EPB41L4A: variants seen among roughly 807,000 people sequenced by gnomAD.
EPB41L4A encodes the protein erythrocyte membrane protein band 4.1 like 4A.
In EPB41L4A, 100 loss-of-function variants were observed where a neutral mutation model predicts 108.6. The ratio of observed to expected loss-of-function variants is 0.92; its 90% CI spans 0.78 to 1.09. EPB41L4A has a LOEUF of 1.09. Ranked by LOEUF, EPB41L4A falls within the 50% of genes least tolerant of loss-of-function variation. The pLI is 0.00. For synonymous variants in EPB41L4A, 319 were observed against 289.0 expected, an observed-to-expected ratio of 1.10 and a Z score of -1.05; for missense variants, 1,030 against 842.7, an observed-to-expected ratio of 1.22 and a Z score of -2.75.
intron 1 of EPB41L4A, among the ~76,000 whole-genome samples, chr5:112,342,312 T>G (rs1342368417): frequency 6.6e-6 from 1 of 152,202 alleles, no homozygotes; most frequent in Non-Finnish European, 1.5e-5. Context: ...CCCACTGAAT[T>G]ACAGAAACAT....
intron 6 of EPB41L4A, 75 bp downstream of exon 6, chr5:112,264,821 A>G: frequency 1.4e-6 from 2 of 1,444,894 alleles, no homozygotes; most frequent in Non-Finnish European, 1.9e-6. Context: ...TTATCATTCT[A>G]GAAACTTTTC....
At chr5:112,290,810 G>T (rs1753594733) in intron 2 of EPB41L4A, among the ~76,000 whole-genome samples, 1 of 152,124 alleles carries the variant, frequency 6.6e-6, no homozygotes, top group Non-Finnish European at 1.5e-5. Flanking sequence ...CTGGCACAAA[G>T]GAGCAAGCCA....
intron 1 of EPB41L4A, among the ~76,000 whole-genome samples, chr5:112,401,474 A>G (rs1761745591): frequency 6.6e-6 from 1 of 152,232 alleles, no homozygotes; most frequent in Non-Finnish European, 1.5e-5. Flanking sequence ...TAAAAATGTT[A>G]CCCATGTGAA....
At chr5:112,160,207 G>T (rs904239984), downstream of EPB41L4A, among the ~76,000 whole-genome samples, 1 of 152,114 alleles carries the variant, frequency 6.6e-6, no homozygotes, top group African/African-American at 2.4e-5. Context: ...ACCGCGCCCG[G>T]CGTTCTTTTC....
At chr5:112,225,439 T>G (rs1224227640) in intron 12 of EPB41L4A, among the ~76,000 whole-genome samples, 2 of 152,218 alleles carry the variant, frequency 1.3e-5, no homozygotes, top group Non-Finnish European at 2.9e-5. Flanking sequence ...AAGAACAATG[T>G]CTCAGCTCTG....
chr5:112,183,321 T>C (rs1560054), intron 18 of EPB41L4A: 114,929 of 152,082 alleles, frequency 0.76, 43,865 homozygotes, highest in East Asian at 1. Flanking sequence ...GACATCTAAC[T>C]ACCCACGATC....
intron 16 of EPB41L4A, 70 bp downstream of exon 16, chr5:112,195,591 T>G: frequency 1.5e-6 from 2 of 1,345,388 alleles, no homozygotes; most frequent in Non-Finnish European, 2.1e-6. Context: ...GCTCTTTCCT[T>G]AACTCTGAGC....
intron 3 of EPB41L4A, among the ~76,000 whole-genome samples, chr5:112,276,112 C>CT (rs533679249): frequency 8.7e-4 from 132 of 152,174 alleles, no homozygotes; most frequent in African/African-American, 2.9e-3. Context: ...TAACTCTTAC[C>CT]TTTTTTTACA....
intron 10 of EPB41L4A, among the ~76,000 whole-genome samples, chr5:112,240,458 C>T (rs958229620): frequency 5.3e-5 from 8 of 152,068 alleles, no homozygotes; most frequent in African/African-American, 1.9e-4. Context: ...TTACATAAAC[C>T]TAAAAAATAT....
chr5:112,354,173 G>A (rs944552296), intron 1 of EPB41L4A, among the ~76,000 whole-genome samples: 2 of 152,130 alleles, frequency 1.3e-5, no homozygotes, highest in Non-Finnish European at 2.9e-5. Context: ...GTATACAAAG[G>A]TGCTTTATAA....
chr5:112,325,286 A>C (rs1756073621), intron 1 of EPB41L4A, among the ~76,000 whole-genome samples: 1 of 152,048 alleles, frequency 6.6e-6, no homozygotes, highest in Non-Finnish European at 1.5e-5. Context: ...CTAAAAATAC[A>C]AAAAATTAGC....
intron 17 of EPB41L4A, among the ~76,000 whole-genome samples, chr5:112,193,978 C>T (rs895301035): frequency 5.9e-5 from 9 of 152,242 alleles, no homozygotes; most frequent in African/African-American, 1.9e-4. Context: ...TTCTTGTTTT[C>T]GAGTGCATAT....
chr5:112,170,495 A>C, intron 19 of EPB41L4A, 126 bp from the exon 20 acceptor site: 1 of 643,972 alleles, frequency 1.6e-6, no homozygotes, highest in Non-Finnish European at 2.7e-6. Context: ...AAACTAATGA[A>C]AATTTATAAA....
intron 1 of EPB41L4A, among the ~76,000 whole-genome samples, chr5:112,354,291 G>A (rs1758236665): frequency 6.6e-6 from 1 of 152,184 alleles, no homozygotes. Context: ...CAATGGGTAT[G>A]ACTCGCCAAA....
chr5:112,222,477 T>A (rs1163988142), intron 12 of EPB41L4A, among the ~76,000 whole-genome samples: 3 of 152,194 alleles, frequency 2.0e-5, no homozygotes, highest in Non-Finnish European at 2.9e-5. Flanking sequence ...CCCAGTAATG[T>A]TATCCACTGT....
In EPB41L4A at chr5:112,269,015, C is replaced by G. The variant is rs185729169; in HGVS notation, c.336-2685G>C. Among the ~76,000 whole-genome samples, 527 of 148,524 alleles carry G rather than the reference C, an allele frequency of 3.5e-3. 3 individuals are homozygous for G. Among genetic ancestry groups the G allele is most frequent in the African/African-American group, 0.012 (510 of 41,206 alleles). On this transcript the variant is annotated intron_variant, in intron 4 of 22. Coordinates refer to ENST00000261486, the MANE Select transcript of EPB41L4A (RefSeq NM_022140.5). The stretch of plus-strand genomic sequence containing the variant: ...CAAAGAGCTGAAATACAGACAAACA[C>G]ATACAAAGAAACAGGAGCCACATCA...
downstream of EPB41L4A, chr5:112,161,512 A>C (rs778656642): frequency 1.9e-6 from 1 of 519,178 alleles, no homozygotes; most frequent in East Asian, 5.5e-5. Flanking sequence ...TTCACTTTGG[A>C]AACTAGTGAA....
At position 112,246,311 on chromosome 5, in the gene EPB41L4A, G is replaced by T. The variant is rs149834624; in HGVS notation, c.796-5501C>A. On this transcript the variant is annotated intron_variant, in intron 9 of 22. Coordinates refer to ENST00000261486, the MANE Select transcript of EPB41L4A (RefSeq NM_022140.5). ...CGTATTTTAACTGTGCCTTTTCTGTGTTTAGATGTGTTTGGATACATAAAT... is the reference window on the plus strand; with the variant it reads ...CGTATTTTAACTGTGCCTTTTCTGTTTTTAGATGTGTTTGGATACATAAAT... 2.1e-3 allele frequency among the ~76,000 whole-genome samples: 327 copies of T among 152,210 alleles called. 1 individual carries two copies. The highest frequency in any genetic ancestry group is 7.5e-3 in the African/African-American group (313 of 41,526).
chr5:112,251,735 A>G, intron 9 of EPB41L4A, among the ~76,000 whole-genome samples: 1 of 152,306 alleles, frequency 6.6e-6, no homozygotes, highest in African/African-American at 2.4e-5. Context: ...CCTTCTACAT[A>G]TTAAAAAATA....
Sources: allele counts gnomAD v4.1 joint callset (sites outside exome capture counted in the v4.1 genomes callset), GRCh38; gene constraint gnomAD v4.1.1; transcripts MANE v1.5; gene names NCBI Gene and HGNC (gene_info 2026-07-23, HGNC 2026-07-21).